PTPRD: variants seen among roughly 807,000 people sequenced by gnomAD.
PTPRD encodes protein tyrosine phosphatase receptor type D.
Under a neutral mutation model 214.5 loss-of-function variants are expected in PTPRD, and 34 were observed. The ratio of observed to expected loss-of-function variants is 0.16; its 90% CI spans 0.12 to 0.21. The LOEUF (loss-of-function observed/expected upper bound fraction) is 0.21. Among genes scored for constraint, PTPRD ranks in the 10% least tolerant of loss-of-function variants. PTPRD has a pLI of 1.00. For synonymous variants in PTPRD, 1,128 were observed against 845.7 expected (o/e 1.33, Z -5.79); for missense variants, 2,545 against 2,398.7 (o/e 1.06, Z -1.27).
intron 8 of PTPRD, among the ~76,000 whole-genome samples, chr9:9,483,535 C>T (rs1037677699): frequency 6.6e-6 from 1 of 152,144 alleles, no homozygotes; most frequent in Admixed American, 6.6e-5. Flanking sequence ...TTACTAGAGT[C>T]TAAAGACAAA....
At chr9:10,327,610 T>C (rs2096668157) in intron 3 of PTPRD, among the ~76,000 whole-genome samples, 1 of 151,820 alleles carries the variant, frequency 6.6e-6, no homozygotes, top group South Asian at 2.1e-4. Context: ...AAATTAAATA[T>C]ATATTAAAAC....
intron 7 of PTPRD, among the ~76,000 whole-genome samples, chr9:9,575,183 G>C (rs948424989): frequency 6.6e-6 from 1 of 152,016 alleles, no homozygotes; most frequent in African/African-American, 2.4e-5. Context: ...ACACAGCTGT[G>C]GCTATCATAC....
At chr9:10,465,902 C>G in intron 2 of PTPRD, among the ~76,000 whole-genome samples, 1 of 152,262 alleles carries the variant, frequency 6.6e-6, no homozygotes, top group East Asian at 1.9e-4. Context: ...AACTGCTACA[C>G]AGTTCCAAAT....
chr9:10,183,624 G>C (rs1192639055), intron 3 of PTPRD, among the ~76,000 whole-genome samples: 1 of 152,092 alleles, frequency 6.6e-6, no homozygotes, highest in Non-Finnish European at 1.5e-5. Context: ...TCAAGGACTT[G>C]GATCTAGACA....
At chr9:9,457,880 T>C (rs549516257) in intron 8 of PTPRD, among the ~76,000 whole-genome samples, 8 of 152,146 alleles carry the variant, frequency 5.3e-5, no homozygotes, top group South Asian at 4.1e-4. Context: ...ACTAACACTA[T>C]AAATTATATC....
At chr9:8,833,420 C>T (rs1459005671) in intron 11 of PTPRD, among the ~76,000 whole-genome samples, 1 of 151,976 alleles carries the variant, frequency 6.6e-6, no homozygotes. Context: ...TAAATGGTAA[C>T]ATTTAATTAT....
intron 5 of PTPRD, among the ~76,000 whole-genome samples, chr9:9,897,438 C>G (rs2075305974): frequency 6.6e-6 from 1 of 151,874 alleles, no homozygotes; most frequent in Non-Finnish European, 1.5e-5. Context: ...GAAAGTTGAA[C>G]TCTACAGTAA....
rs2098459360 is a variant in PTPRD at position 8,718,454 on chromosome 9, T to C, written c.64+15326A>G. On this transcript the variant is annotated intron_variant, in intron 12 of 45. Coordinates refer to ENST00000381196, the MANE Select transcript of PTPRD (RefSeq NM_002839.4). ...GTTGCTAAATAGTCTTTTTATAACCTTTTCTGATGTAGTTTGGATTATTTC... is the reference window on the plus strand; with the variant it reads ...GTTGCTAAATAGTCTTTTTATAACCCTTTCTGATGTAGTTTGGATTATTTC... Among the ~76,000 whole-genome samples the C allele has an allele frequency of 2.6e-5, 4 of 152,214 alleles. No homozygotes were observed. In the South Asian group the frequency reaches 6.2e-4, roughly 24 times the overall value.
chr9:8,604,850 G>T (rs1367303730), intron 14 of PTPRD, among the ~76,000 whole-genome samples: 1 of 152,024 alleles, frequency 6.6e-6, no homozygotes, highest in Non-Finnish European at 1.5e-5. Flanking sequence ...AAATGGGAGA[G>T]AAAATAAGGT....
intron 10 of PTPRD, among the ~76,000 whole-genome samples, chr9:9,038,030 A>C (rs1036178000): frequency 8.5e-5 from 13 of 152,224 alleles, no homozygotes; most frequent in African/African-American, 3.1e-4. Context: ...AAATTAATAA[A>C]ATAAATAAAA....
At chr9:10,514,548 C>A (rs1273269811) in intron 2 of PTPRD, among the ~76,000 whole-genome samples, 1 of 151,586 alleles carries the variant, frequency 6.6e-6, no homozygotes, top group East Asian at 1.9e-4. Context: ...AGTAAATATT[C>A]AAATTATTTC....
At chr9:9,008,569 T>C (rs953677892) in intron 11 of PTPRD, among the ~76,000 whole-genome samples, 4 of 152,088 alleles carry the variant, frequency 2.6e-5, no homozygotes, top group Non-Finnish European at 4.4e-5. Context: ...TGTGTCAATC[T>C]GACAATTCTA....
At chr9:10,259,079 G>C (rs1359983913) in intron 3 of PTPRD, among the ~76,000 whole-genome samples, 1 of 152,028 alleles carries the variant, frequency 6.6e-6, no homozygotes, top group East Asian at 1.9e-4. Flanking sequence ...CTGGAGTGCA[G>C]TGGCGCCATC....
intron 12 of PTPRD, among the ~76,000 whole-genome samples, chr9:8,651,288 G>C (rs1000891191): frequency 6.6e-6 from 1 of 152,086 alleles, no homozygotes; most frequent in African/African-American, 2.4e-5. Context: ...GAGCTATTTG[G>C]GGGTACAAAA....
intron 11 of PTPRD, among the ~76,000 whole-genome samples, chr9:8,992,152 G>A (rs2099373579): frequency 6.6e-6 from 1 of 152,190 alleles, no homozygotes; most frequent in East Asian, 1.9e-4. Context: ...AAATTTGCTG[G>A]TGGAAATAAC....
chr9:10,001,211 A>G (rs190153857), intron 4 of PTPRD, among the ~76,000 whole-genome samples: 1 of 152,256 alleles, frequency 6.6e-6, no homozygotes, highest in East Asian at 1.9e-4. Context: ...TCAATTTGAC[A>G]TCATCCATTC....
intron 11 of PTPRD, among the ~76,000 whole-genome samples, chr9:8,939,913 T>C (rs934328683): frequency 1.3e-5 from 2 of 152,054 alleles, no homozygotes; most frequent in Non-Finnish European, 2.9e-5. Context: ...AAAGTTTTCT[T>C]TAGAAAAACA....
At chr9:10,195,812 T>C (rs371841676) in intron 3 of PTPRD, among the ~76,000 whole-genome samples, 3 of 152,320 alleles carry the variant, frequency 2.0e-5, no homozygotes, top group African/African-American at 4.8e-5. Context: ...TACAAGATTC[T>C]AGTCACAAAT....
chr9:10,387,697 T>A (rs2097947860), intron 2 of PTPRD, among the ~76,000 whole-genome samples: 1 of 151,436 alleles, frequency 6.6e-6, no homozygotes, highest in South Asian at 2.1e-4. Context: ...AATGAAAGCT[T>A]CAAGAGGACT....
Sources: gnomAD v4.1 joint callset for allele counts (sites outside exome capture counted in the v4.1 genomes callset) on GRCh38, gnomAD v4.1.1 for gene constraint, MANE v1.5 for transcripts, NCBI Gene and HGNC (gene_info 2026-07-23, HGNC 2026-07-21) for gene names.